DMTF1: variants seen among roughly 807,000 people sequenced by gnomAD.
The protein encoded by DMTF1 is cyclin D binding myb like transcription factor 1, also known as cyclin-D-binding Myb-like transcription factor 1.
DMTF1 carries 39 observed loss-of-function variants against 91.1 expected under a neutral mutation model. That is an observed-to-expected ratio of 0.43 (90% confidence interval 0.33 to 0.56). DMTF1 has a LOEUF of 0.56. Among genes scored for constraint, DMTF1 ranks in the 20% least tolerant of loss-of-function variants. DMTF1 has a pLI of 0.05. For missense variants in DMTF1, 750 were observed against 914.5 expected, an observed-to-expected ratio of 0.82 and a Z score of 2.32; for synonymous variants, 338 against 309.5, an observed-to-expected ratio of 1.09 and a Z score of -0.97.
chr7:87,178,896 A>C (rs1008529087), intron 7 of DMTF1, among the ~76,000 whole-genome samples: 2 of 151,766 alleles, frequency 1.3e-5, no homozygotes, highest in Admixed American at 6.6e-5. Flanking sequence ...AAGATTATTT[A>C]ATAACTGATT....
At chr7:87,193,599 G>A in intron 15 of DMTF1, 126 bp from the exon 16 acceptor site, 1 of 1,006,256 alleles carries the variant, frequency 9.9e-7, no homozygotes, top group Non-Finnish European at 1.5e-6. Flanking sequence ...AAGGACAAGG[G>A]TTCTAGAAAA....
chr7:87,166,734 CT>C (rs1217341973), intron 4 of DMTF1, 129 bp downstream of exon 4: 6 of 860,454 alleles, frequency 7.0e-6, no homozygotes, highest in Non-Finnish European at 1.1e-5. Flanking sequence ...CAAACCACCT[CT>C]TTTTAGCTAA....
intron 1 of DMTF1, among the ~76,000 whole-genome samples, chr7:87,156,118 G>A (rs1790644528): frequency 6.6e-6 from 1 of 152,140 alleles, no homozygotes. Context: ...TTGTAGAAAA[G>A]TACTCAGTTT....
chr7:87,169,328 G>T lies in DMTF1; in HGVS notation c.233-1667G>T, dbSNP rs564951592. On this transcript the variant is annotated intron_variant, in intron 4 of 17. Coordinates refer to ENST00000331242, the MANE Select transcript of DMTF1 (RefSeq NM_001142327.2). Reference sequence around the variant, plus strand: ...ACAAAAATTAGCTGGGTGTGGTGGTGCACGCCTGTAATCTCAGCTGCTAGG... The same window carrying T: ...ACAAAAATTAGCTGGGTGTGGTGGTTCACGCCTGTAATCTCAGCTGCTAGG... 4.6e-5 allele frequency among the ~76,000 whole-genome samples: 7 copies of T among 152,192 alleles called. No homozygotes were observed. In the East Asian group the frequency reaches 1.2e-3, roughly 25 times the overall value.
At chr7:87,188,036 T>G in intron 12 of DMTF1, 56 bp from the exon 13 acceptor site, 1 of 1,440,862 alleles carries the variant, frequency 6.9e-7, no homozygotes, top group Non-Finnish European at 9.8e-7. Context: ...CCTTGCTGCT[T>G]AGATGGTGGT....
chr7:87,193,988 A>G lies in DMTF1; in HGVS notation c.1914A>G (p.Gln638=). Residue 638 remains glutamine, a synonymous_variant, in exon 16 of 18, where the codon CAA becomes CAG. Transcript: ENST00000331242. ...CTCATGTATCCAAATTCAGTGACCA[A>G]AATAGCACAGAACTGATGAATAGTG... is the stretch of plus-strand genomic sequence containing the variant. The part of the protein sequence containing the change: ...NDAHVSKFSD[Q]NSTELMNSVM... 2 of 1,613,386 alleles carry G rather than the reference A, an allele frequency of 1.2e-6. No homozygotes were observed. Among genetic ancestry groups the G allele is most frequent in the Non-Finnish European group, 1.7e-6 (2 of 1,179,614 alleles).
intron 8 of DMTF1, among the ~76,000 whole-genome samples, chr7:87,180,282 C>G (rs1584378930): frequency 1.3e-5 from 2 of 152,164 alleles, no homozygotes. Flanking sequence ...TGTTGGAGCT[C>G]TTTCTCTAGC....
intron 1 of DMTF1, among the ~76,000 whole-genome samples, chr7:87,157,223 T>C (rs1161270695): frequency 1.3e-5 from 2 of 152,110 alleles, no homozygotes; most frequent in African/African-American, 2.4e-5. Flanking sequence ...CCTAACAAAA[T>C]TGTGGTGCTA....
rs937629261 is a variant in DMTF1, at chr7:87,193,668, T to A, written c.1651-57T>A. On this transcript the variant is annotated intron_variant, in intron 15 of 17. Coordinates refer to ENST00000331242, the MANE Select transcript of DMTF1 (RefSeq NM_001142327.2). ...AGAGATGTGGGGGGAGACAGTGAGG[T>A]ACCCCCATAAATGTCATTTGATTTA... 4 of 1,444,986 alleles carry A rather than the reference T, an allele frequency of 2.8e-6. No individual in the cohort carries two copies. The African/African-American group carries it at 5.7e-5, about 21-fold the overall frequency. The allele number at this position is 1,444,986 out of a possible 1,614,324, so 89.5% of individuals were successfully genotyped here.
In DMTF1 at chr7:87,184,604, A is replaced by G; in HGVS notation, c.1028A>G (p.Asp343Gly). Residue 343 changes from aspartate to glycine, a missense_variant, in exon 11 of 18, where the codon GAT becomes GGT. Physicochemically the swap from Asp to Gly is moderately conservative, Grantham distance 94. Around this residue, in one of 3 missense-constraint regions of DMTF1, gnomAD observed 190 missense variants for 343.8 expected, o/e 0.55. Coordinates refer to ENST00000331242, the MANE Select transcript of DMTF1 (RefSeq NM_001142327.2). Reference sequence around the variant, plus strand: ...GGGGGTACTGAATGGACCAAGGAAGATGAAATCAATCTCATCCTCAGGTTT... The same window carrying G: ...GGGGGTACTGAATGGACCAAGGAAGGTGAAATCAATCTCATCCTCAGGTTT... The part of the protein sequence containing the change: ...QSGGTEWTKE[D>G]EINLILRIAE... 6.2e-7 allele frequency: 1 copy of G among 1,613,874 alleles called. No homozygotes were observed. Among genetic ancestry groups the G allele is most frequent in the Non-Finnish European group, 8.5e-7 (1 of 1,179,822 alleles).
intron 1 of DMTF1, among the ~76,000 whole-genome samples, chr7:87,160,250 A>G (rs1022858533): frequency 2.0e-5 from 3 of 151,876 alleles, no homozygotes; most frequent in Admixed American, 1.3e-4. Flanking sequence ...AAACTTCGTG[A>G]AAAAAGTATC....
intron 14 of DMTF1, chr7:87,192,439 TA>T (rs1437116610): frequency 2.0e-5 from 3 of 152,044 alleles, no homozygotes; most frequent in African/African-American, 7.2e-5. Flanking sequence ...CCATGAGAAG[TA>T]GTTACTGTCT....
intron 1 of DMTF1, among the ~76,000 whole-genome samples, chr7:87,162,425 A>T (rs751535045): frequency 2.6e-5 from 4 of 152,124 alleles, no homozygotes; most frequent in African/African-American, 4.8e-5. Context: ...ACACTTTTCA[A>T]TCTGAGCAGA....
intron 4 of DMTF1, among the ~76,000 whole-genome samples, chr7:87,168,038 A>G (rs1042526949): frequency 6.6e-6 from 1 of 152,206 alleles, no homozygotes; most frequent in African/African-American, 2.4e-5. Context: ...GCTTCAGATA[A>G]TAGAGGTATG....
intron 16 of DMTF1, 31 bp from the exon 17 acceptor site, chr7:87,194,653 G>T: frequency 6.6e-7 from 1 of 1,523,468 alleles, no homozygotes; most frequent in South Asian, 1.1e-5. Flanking sequence ...GTAAGAATAT[G>T]AGTCAATATT....
intron 2 of DMTF1, among the ~76,000 whole-genome samples, chr7:87,163,915 C>A (rs556072457): frequency 6.6e-6 from 1 of 151,972 alleles, no homozygotes; most frequent in Non-Finnish European, 1.5e-5. Context: ...CGTGTTGGCA[C>A]GTGCCTGTAC....
At chr7:87,185,359 ATTGC>A (rs746974221) in intron 11 of DMTF1, among the ~76,000 whole-genome samples, 1 of 151,596 alleles carries the variant, frequency 6.6e-6, no homozygotes, top group Non-Finnish European at 1.5e-5. Context: ...GATTGCAGCT[ATTGC>A]TTTTGTGTTA....
intron 13 of DMTF1, among the ~76,000 whole-genome samples, chr7:87,189,396 G>A (rs2129180639): frequency 6.6e-6 from 1 of 152,222 alleles, no homozygotes; most frequent in East Asian, 1.9e-4. Context: ...GTTACAGTCT[G>A]AGGATTGCAA....
At chr7:87,170,932 A>G (rs1289140695) in intron 4 of DMTF1, 63 bp from the exon 5 acceptor site, 1 of 1,101,890 alleles carries the variant, frequency 9.1e-7, no homozygotes, top group African/African-American at 1.6e-5. Context: ...TCCCATGGAT[A>G]TTTTTAGAAT....
Sources: allele counts gnomAD v4.1 joint callset (sites outside exome capture counted in the v4.1 genomes callset), GRCh38; gene constraint gnomAD v4.1.1; regional missense constraint gnomAD v4.1.1; transcripts MANE v1.5; gene names NCBI Gene and HGNC (gene_info 2026-07-23, HGNC 2026-07-21).